Variants in TRPM6 observed in about 807,000 individuals in gnomAD.
The protein encoded by TRPM6 is channel kinase 2.
Under a neutral mutation model 247.6 loss-of-function variants are expected in TRPM6, and 111 were observed. The ratio of observed to expected loss-of-function variants is 0.45; its 90% CI spans 0.38 to 0.52. The LOEUF (loss-of-function observed/expected upper bound fraction) is 0.52, where lower values mean the gene tolerates loss of function less well. Ranked by LOEUF, TRPM6 falls within the 20% of genes least tolerant of loss-of-function variation. The pLI, the probability that TRPM6 is intolerant of heterozygous loss-of-function variation, is 0.00. For missense variants in TRPM6, 2,126 were observed against 2,421.5 expected (o/e 0.88, Z 2.56); for synonymous variants, 892 against 853.8 (o/e 1.04, Z -0.78).
intron 9 of TRPM6, among the ~76,000 whole-genome samples, chr9:74,817,677 G>A (rs1019925090): frequency 3.3e-5 from 5 of 151,840 alleles, no homozygotes; most frequent in East Asian, 3.9e-4. Context: ...TTGCTCACCC[G>A]TTCCCACCCT....
chr9:74,833,002 G>A (rs1024180726), intron 6 of TRPM6, among the ~76,000 whole-genome samples: 7 of 151,384 alleles, frequency 4.6e-5, no homozygotes, highest in Non-Finnish European at 5.9e-5. Context: ...AGTGAGCCAA[G>A]ACTGCGCCAC....
intron 38 of TRPM6, 102 bp downstream of exon 38, chr9:74,728,137 G>T: frequency 1.1e-6 from 1 of 925,330 alleles, no homozygotes; most frequent in Non-Finnish European, 1.7e-6. Flanking sequence ...GACGGTGAAT[G>T]AGATAAAAAT....
rs1356261257 is a variant in TRPM6, at chr9:74,800,210, C to T, written c.2238+44G>A. On this transcript the variant is annotated intron_variant, in intron 17 of 38. Coordinates refer to ENST00000360774, the MANE Select transcript of TRPM6 (RefSeq NM_017662.5). ...TGTAACTCGAGTACAGAATTTTATA[C>T]AAGACTAACATTAAACTCCATAAGA... is the stretch of plus-strand genomic sequence containing the variant. 2.3e-5 allele frequency: 36 copies of T among 1,556,834 alleles called. No individual in the cohort carries two copies. In the Admixed American group the frequency reaches 5.5e-4, roughly 24 times the overall value.
At chr9:74,852,938 C>G in intron 3 of TRPM6, among the ~76,000 whole-genome samples, 1 of 152,248 alleles carries the variant, frequency 6.6e-6, no homozygotes, top group Admixed American at 6.5e-5. Flanking sequence ...AGGAGCATCT[C>G]TGCTTGGCCG....
chr9:74,887,554 A>T, intron 1 of TRPM6: 4 of 1,420,824 alleles, frequency 2.8e-6, no homozygotes, highest in South Asian at 1.2e-5. Context: ...TTCCGCTCTG[A>T]CACCACCTCC....
intron 1 of TRPM6, among the ~76,000 whole-genome samples, chr9:74,862,821 A>G (rs1830730299): frequency 6.6e-6 from 1 of 151,956 alleles, no homozygotes; most frequent in African/African-American, 2.4e-5. Context: ...ATCTCTACTA[A>G]AGATACAAAA....
chr9:74,780,794 T>A (rs191459126), intron 23 of TRPM6, among the ~76,000 whole-genome samples: 326 of 152,230 alleles, frequency 2.1e-3, no homozygotes, highest in African/African-American at 7.7e-3. Flanking sequence ...TAAGAATGAC[T>A]CCATGTACAG....
At position 74,882,024 on chromosome 9, in the gene TRPM6, A is replaced by G. The variant is rs748402808; in HGVS notation, c.33+5800T>C. Among the ~76,000 whole-genome samples, 80 of 152,200 alleles carry G rather than the reference A, an allele frequency of 5.3e-4. 1 individual carries two copies. Among genetic ancestry groups the G allele is most frequent in the South Asian group, 4.1e-4 (2 of 4,832 alleles). ...TGCAGCAGAATGAAACTGAACTCCT[A>G]TCTCTCACCATATACAAAAATCAAC... On this transcript the variant is annotated intron_variant, in intron 1 of 38. Transcript: ENST00000360774.
intron 11 of TRPM6, 54 bp from the exon 12 acceptor site, chr9:74,812,487 T>C: frequency 2.6e-6 from 4 of 1,523,220 alleles, no homozygotes; most frequent in East Asian, 4.6e-5. Context: ...TAGAAATAAC[T>C]AAAGAATTAC....
At chr9:74,780,469 G>A (rs1827398931) in intron 23 of TRPM6, among the ~76,000 whole-genome samples, 2 of 149,906 alleles carry the variant, frequency 1.3e-5, no homozygotes, top group South Asian at 2.1e-4. Context: ...AAAAAAAAAC[G>A]AAGTGACAGA....
At chr9:74,871,035 A>G (rs1831012080) in intron 1 of TRPM6, among the ~76,000 whole-genome samples, 1 of 152,190 alleles carries the variant, frequency 6.6e-6, no homozygotes, top group Non-Finnish European at 1.5e-5. Flanking sequence ...TAAACCCTCT[A>G]TAACTGTGTG....
At chr9:74,791,814 G>A (rs866066070) in intron 19 of TRPM6, among the ~76,000 whole-genome samples, 12 of 152,172 alleles carry the variant, frequency 7.9e-5, no homozygotes, top group East Asian at 7.7e-4. Context: ...GGAGTGTAGC[G>A]GCGCAATCTC....
chr9:74,824,914 C>T (rs534342666), intron 7 of TRPM6, among the ~76,000 whole-genome samples: 14 of 151,200 alleles, frequency 9.3e-5, no homozygotes, highest in African/African-American at 3.2e-4. Context: ...TCTCTGCCAA[C>T]AACAAGGGTT....
chr9:74,738,340 G>A, intron 36 of TRPM6, 67 bp downstream of exon 36: 1 of 1,553,170 alleles, frequency 6.4e-7, no homozygotes, highest in Non-Finnish European at 8.9e-7. Context: ...TACCCATCCT[G>A]GTTCTTGCAA....
intron 30 of TRPM6, among the ~76,000 whole-genome samples, chr9:74,748,878 G>A (rs948955136): frequency 3.3e-5 from 5 of 152,046 alleles, no homozygotes; most frequent in Admixed American, 3.3e-4. Context: ...GTAATGTCCT[G>A]GGCCTTCACA....
rs1419248428 is a variant in TRPM6, at chr9:74,771,782, A to G, written c.3457T>C (p.Cys1153Arg). 6.2e-7 allele frequency: 1 copy of G among 1,613,706 alleles called. No individual in the cohort carries two copies. Among genetic ancestry groups the G allele is most frequent in the Non-Finnish European group, 8.5e-7 (1 of 1,179,696 alleles). ...LKKLHDFEEQCVEKYFHEKME... is the reference protein window; with the variant it reads ...LKKLHDFEEQRVEKYFHEKME... ...TTCTCATGGAAGTATTTTTCCACGCACTGCTCCTCAAAATCATGAAGTTTT... is the reference window on the plus strand; with the variant it reads ...TTCTCATGGAAGTATTTTTCCACGCGCTGCTCCTCAAAATCATGAAGTTTT... The change falls in exon 25 of 39, where the codon TGC (cysteine) becomes CGC (arginine). Residue 1153 changes from cysteine to arginine, a missense_variant. This residue lies in a region of TRPM6 where 717 missense variants were observed against 715.9 expected (regional missense o/e 1.00). Coordinates refer to ENST00000360774, the MANE Select transcript of TRPM6 (RefSeq NM_017662.5).
At chr9:74,766,897 C>A (rs545922512) in intron 25 of TRPM6, among the ~76,000 whole-genome samples, 98 of 152,012 alleles carry the variant, frequency 6.4e-4, no homozygotes, top group African/African-American at 2.3e-3. Flanking sequence ...GCAACAAGAG[C>A]GAAACTCCGT....
intron 13 of TRPM6, among the ~76,000 whole-genome samples, chr9:74,809,657 G>A (rs1257549613): frequency 6.6e-6 from 1 of 151,876 alleles, no homozygotes; most frequent in Non-Finnish European, 1.5e-5. Flanking sequence ...ATTTACATGA[G>A]CACGGACACT....
intron 19 of TRPM6, among the ~76,000 whole-genome samples, chr9:74,791,924 T>C (rs1827917033): frequency 6.6e-6 from 1 of 152,092 alleles, no homozygotes; most frequent in Non-Finnish European, 1.5e-5. Flanking sequence ...GCCCGGCTAC[T>C]TTTTTTGTAT....
Sources: allele counts gnomAD v4.1 joint callset (sites outside exome capture counted in the v4.1 genomes callset), GRCh38; gene constraint gnomAD v4.1.1; regional missense constraint gnomAD v4.1.1; transcripts MANE v1.5; gene names NCBI Gene and HGNC (gene_info 2026-07-23, HGNC 2026-07-21).